ERC2: variants seen among roughly 807,000 people sequenced by gnomAD.
ERC2 encodes ELKS/RAB6-interacting/CAST family member 2.
Under a neutral mutation model 114.8 loss-of-function variants are expected in ERC2, and 42 were observed. The ratio of observed to expected loss-of-function variants is 0.37; its 90% confidence interval spans 0.29 to 0.47. The LOEUF is 0.47. Among genes scored for constraint, ERC2 ranks in the 20% least tolerant of loss-of-function variants. The probability of loss-of-function intolerance (pLI) is 0.99; values close to 1 mark genes in which losing one functional copy is unlikely to be tolerated. For missense variants in ERC2, 939 were observed against 1,150.7 expected, an observed-to-expected ratio of 0.82 and a Z score of 2.66; for synonymous variants, 454 against 425.5, an observed-to-expected ratio of 1.07 and a Z score of -0.82.
intron 17 of ERC2, chr3:55,610,506 A>ACACACACAC (rs2058858984): frequency 6.6e-5 from 9 of 137,238 alleles, no homozygotes; most frequent in African/African-American, 1.1e-4. Context: ...TCTACGGAAA[A>ACACACACAC]ACACACACAC....
chr3:55,988,306 G>C (rs116293260), intron 11 of ERC2, among the ~76,000 whole-genome samples: 1,806 of 152,254 alleles, frequency 0.012, 35 homozygotes, highest in African/African-American at 0.041. Flanking sequence ...CACCCACCTA[G>C]TAGCAAACTC....
intron 14 of ERC2, among the ~76,000 whole-genome samples, chr3:55,831,631 A>G (rs977800923): frequency 6.6e-6 from 1 of 152,210 alleles, no homozygotes; most frequent in African/African-American, 2.4e-5. Flanking sequence ...TCGGGCAGCC[A>G]AGATGGCCGA....
intron 3 of ERC2, among the ~76,000 whole-genome samples, chr3:56,224,089 A>G (rs959940786): frequency 2.6e-5 from 4 of 152,220 alleles, no homozygotes; most frequent in African/African-American, 9.6e-5. Flanking sequence ...ATATTTTTAG[A>G]TTCAGATCAG....
chr3:56,273,055 A>AT (rs1433731502), intron 3 of ERC2, among the ~76,000 whole-genome samples: 2 of 152,174 alleles, frequency 1.3e-5, no homozygotes, highest in Admixed American at 6.5e-5. Flanking sequence ...AGATTCTTCC[A>AT]TATATCCTGA....
chr3:56,043,137 C>G (rs945892519), intron 7 of ERC2, among the ~76,000 whole-genome samples: 1 of 152,242 alleles, frequency 6.6e-6, no homozygotes, highest in Non-Finnish European at 1.5e-5. Context: ...AGTGTAAAGT[C>G]ATTTCTGCTG....
chr3:55,535,733 C>A (rs748379255), intron 17 of ERC2, among the ~76,000 whole-genome samples: 8 of 152,194 alleles, frequency 5.3e-5, no homozygotes, highest in Non-Finnish European at 1.2e-4. Flanking sequence ...GGCGTGGTCG[C>A]CTATTATCCC....
At chr3:56,108,776 G>A (rs1471186575) in intron 6 of ERC2, among the ~76,000 whole-genome samples, 1 of 152,016 alleles carries the variant, frequency 6.6e-6, no homozygotes, top group Non-Finnish European at 1.5e-5. Flanking sequence ...AAGCAATTCT[G>A]GATTGAAAGG....
chr3:56,438,476 A>T (rs547747868), intron 1 of ERC2, among the ~76,000 whole-genome samples: 3 of 152,296 alleles, frequency 2.0e-5, no homozygotes, highest in East Asian at 3.9e-4. Context: ...TACTTGTCTC[A>T]GTGATTGGCC....
intron 14 of ERC2, among the ~76,000 whole-genome samples, chr3:55,804,921 G>A (rs1486482292): frequency 6.6e-6 from 1 of 151,928 alleles, no homozygotes; most frequent in Non-Finnish European, 1.5e-5. Flanking sequence ...CACTTGAAGT[G>A]TGGCAACTCA....
At chr3:55,536,731 G>A (rs953743847) in intron 17 of ERC2, among the ~76,000 whole-genome samples, 6 of 152,188 alleles carry the variant, frequency 3.9e-5, no homozygotes, top group Non-Finnish European at 5.9e-5. Flanking sequence ...AAGGGTAGGA[G>A]CCCCTACCAT....
intron 17 of ERC2, among the ~76,000 whole-genome samples, chr3:55,635,163 G>A (rs897953229): frequency 4.6e-5 from 7 of 152,028 alleles, no homozygotes; most frequent in Non-Finnish European, 7.4e-5. Context: ...GATTACAGGC[G>A]TGAGCCACCG....
intron 14 of ERC2, among the ~76,000 whole-genome samples, chr3:55,855,826 T>A (rs1245496223): frequency 1.3e-5 from 2 of 152,240 alleles, no homozygotes; most frequent in Non-Finnish European, 2.9e-5. Context: ...GGACTCATAC[T>A]TTCTTTGTTG....
intron 7 of ERC2, among the ~76,000 whole-genome samples, chr3:56,057,611 A>G (rs2076071346): frequency 6.6e-6 from 1 of 152,214 alleles, no homozygotes; most frequent in African/African-American, 2.4e-5. Context: ...ACTGGAATCC[A>G]AACAGTACCT....
At chr3:55,853,152 C>T (rs1372569073) in intron 14 of ERC2, among the ~76,000 whole-genome samples, 1 of 152,186 alleles carries the variant, frequency 6.6e-6, no homozygotes, top group Non-Finnish European at 1.5e-5. Context: ...ATCCACCCAC[C>T]CTCGACCGTC....
intron 12 of ERC2, among the ~76,000 whole-genome samples, chr3:55,985,606 G>C (rs1260081382): frequency 6.6e-6 from 1 of 152,162 alleles, no homozygotes; most frequent in Non-Finnish European, 1.5e-5. Context: ...TGTTCTCCTA[G>C]GTTAAATTCA....
At chr3:55,735,416 T>G (rs1009397302) in intron 14 of ERC2, among the ~76,000 whole-genome samples, 1 of 152,130 alleles carries the variant, frequency 6.6e-6, no homozygotes, top group Non-Finnish European at 1.5e-5. Flanking sequence ...GCAAGAAAAG[T>G]AGAAGGACAA....
At chr3:55,652,932 A>G (rs2148683384) in intron 17 of ERC2, among the ~76,000 whole-genome samples, 1 of 152,110 alleles carries the variant, frequency 6.6e-6, no homozygotes, top group South Asian at 2.1e-4. Flanking sequence ...ACTGAGGCAC[A>G]GACAGTTGAG....
chr3:56,148,106 G>A (rs1560256753), intron 5 of ERC2, among the ~76,000 whole-genome samples: 1 of 152,098 alleles, frequency 6.6e-6, no homozygotes, highest in Non-Finnish European at 1.5e-5. Flanking sequence ...GGGACTAAGG[G>A]CTTTAAATGA....
At chr3:55,690,112 T>C (rs1355396023) in intron 16 of ERC2, among the ~76,000 whole-genome samples, 4 of 152,338 alleles carry the variant, frequency 2.6e-5, no homozygotes, top group African/African-American at 9.6e-5. Context: ...AAAATTGACA[T>C]TATTAAGATC....
Sources: gnomAD v4.1 joint callset for allele counts (sites outside exome capture counted in the v4.1 genomes callset) on GRCh38, gnomAD v4.1.1 for gene constraint, MANE v1.5 for transcripts, NCBI Gene and HGNC (gene_info 2026-07-23, HGNC 2026-07-21) for gene names.